Variants in NSMCE2 observed in about 807,000 individuals in gnomAD.
NSMCE2 encodes NSE2 SUMO ligase component of SMC5/6 complex.
Under a neutral mutation model 23.8 loss-of-function variants are expected in NSMCE2, and 24 were observed. The observed-to-expected ratio is 1.01, with a 90% CI of 0.73 to 1.42. The LOEUF is 1.42. Among genes scored for constraint, NSMCE2 ranks in the 40% most tolerant of loss-of-function variants. The pLI, the probability that NSMCE2 is intolerant of heterozygous loss-of-function variation, is 0.00. For synonymous variants in NSMCE2, 92 were observed against 94.1 expected (o/e 0.98, Z 0.13); for missense variants, 284 against 296.5 (o/e 0.96, Z 0.31).
At chr8:125,254,304 A>G (rs1255223628) in intron 5 of NSMCE2, among the ~76,000 whole-genome samples, 1 of 152,236 alleles carries the variant, frequency 6.6e-6, no homozygotes. Context: ...GATTTGAGTC[A>G]TTAGTGTGCC....
At chr8:125,220,042 A>G (rs16900447) in intron 5 of NSMCE2, among the ~76,000 whole-genome samples, 3,282 of 152,224 alleles carry the variant, frequency 0.022, 128 homozygotes, top group African/African-American at 0.076. Context: ...TGGTTTTGAA[A>G]GGCAGACCAA....
At chr8:125,105,153 A>G (rs1818394858) in intron 3 of NSMCE2, among the ~76,000 whole-genome samples, 2 of 152,188 alleles carry the variant, frequency 1.3e-5, no homozygotes, top group South Asian at 2.1e-4. Flanking sequence ...CTATTGTTTC[A>G]TATATTTTGT....
At chr8:125,300,140 G>A (rs1828503274) in intron 5 of NSMCE2, among the ~76,000 whole-genome samples, 2 of 150,224 alleles carry the variant, frequency 1.3e-5, no homozygotes, top group Non-Finnish European at 1.5e-5. Flanking sequence ...TTCTTGTACT[G>A]GAAGTGGGTC....
At chr8:125,129,580 CTG>C (rs1819660555) in intron 3 of NSMCE2, among the ~76,000 whole-genome samples, 1 of 116,786 alleles carries the variant, frequency 8.6e-6, no homozygotes, top group East Asian at 2.4e-4. Context: ...GTGTGTGTGT[CTG>C]TGTGTTTCAT....
At chr8:125,294,968 T>G (rs1828265843) in intron 5 of NSMCE2, among the ~76,000 whole-genome samples, 1 of 152,210 alleles carries the variant, frequency 6.6e-6, no homozygotes, top group Admixed American at 6.5e-5. Context: ...CACAGCACAG[T>G]GAACTTTTTC....
chr8:125,112,318 A>G (rs555008601), intron 3 of NSMCE2, among the ~76,000 whole-genome samples: 4 of 152,370 alleles, frequency 2.6e-5, no homozygotes, highest in Non-Finnish European at 4.4e-5. Context: ...CAGTACAGTC[A>G]TTATGGAAAA....
intron 5 of NSMCE2, among the ~76,000 whole-genome samples, chr8:125,262,031 A>G (rs560568278): frequency 1.3e-5 from 2 of 152,096 alleles, no homozygotes; most frequent in Non-Finnish European, 2.9e-5. Context: ...CAGGAGGTGG[A>G]GGTTGCAGTG....
intron 3 of NSMCE2, among the ~76,000 whole-genome samples, chr8:125,131,769 A>G (rs937787030): frequency 6.6e-6 from 1 of 152,326 alleles, no homozygotes; most frequent in Non-Finnish European, 1.5e-5. Flanking sequence ...AGAAATCTGC[A>G]TTTTAAACAA....
intron 7 of NSMCE2, among the ~76,000 whole-genome samples, chr8:125,360,110 T>A (rs1229410430): frequency 6.6e-6 from 1 of 152,118 alleles, no homozygotes; most frequent in Non-Finnish European, 1.5e-5. Flanking sequence ...CTCATCTGGG[T>A]GTCTAATACT....
chr8:125,330,079 A>G (rs1033050585), intron 5 of NSMCE2, among the ~76,000 whole-genome samples: 3 of 152,148 alleles, frequency 2.0e-5, no homozygotes, highest in Non-Finnish European at 4.4e-5. Flanking sequence ...ATGGGAGGGA[A>G]CAGGTAGCTT....
intron 1 of NSMCE2, among the ~76,000 whole-genome samples, chr8:125,093,609 G>C (rs946540067): frequency 6.6e-6 from 1 of 152,102 alleles, no homozygotes; most frequent in African/African-American, 2.4e-5. Flanking sequence ...TGTAATCCCA[G>C]CTACTCGGGA....
intron 4 of NSMCE2, among the ~76,000 whole-genome samples, chr8:125,167,072 G>A (rs1821924961): frequency 6.6e-6 from 1 of 152,126 alleles, no homozygotes; most frequent in Admixed American, 6.5e-5. Flanking sequence ...CCCTCCACAT[G>A]TACTCTCACA....
intron 3 of NSMCE2, among the ~76,000 whole-genome samples, chr8:125,134,975 T>C (rs1201594109): frequency 1.3e-5 from 2 of 152,110 alleles, no homozygotes; most frequent in African/African-American, 4.8e-5. Context: ...TGGCTCAATA[T>C]TGGCTTATTG....
intron 5 of NSMCE2, among the ~76,000 whole-genome samples, chr8:125,278,306 A>T (rs1380738652): frequency 2.6e-5 from 4 of 152,236 alleles, no homozygotes; most frequent in African/African-American, 9.6e-5. Context: ...GAATGGCACC[A>T]GTAAGGCCCT....
intron 5 of NSMCE2, among the ~76,000 whole-genome samples, chr8:125,294,693 G>A (rs1445355020): frequency 6.6e-6 from 1 of 152,126 alleles, no homozygotes; most frequent in African/African-American, 2.4e-5. Context: ...TCATTTATGG[G>A]GTTAGAATTA....
chr8:125,254,188 C>G (rs75463161), intron 5 of NSMCE2, among the ~76,000 whole-genome samples: 38 of 152,290 alleles, frequency 2.5e-4, no homozygotes, highest in African/African-American at 9.1e-4. Context: ...TCTAATATCT[C>G]TATTGAAACA....
rs546598149 is a variant in NSMCE2 at position 125,347,170 on chromosome 8, C to G, written c.419-10049C>G. On this transcript the variant is annotated intron_variant, in intron 5 of 7. Transcript: ENST00000287437. Reference sequence around the variant, plus strand: ...ATGAAGTAAGTACCATTAGTATCTCCATTTCATAGCTGAGAAGATTGAGAC... The same window carrying G: ...ATGAAGTAAGTACCATTAGTATCTCGATTTCATAGCTGAGAAGATTGAGAC... 3.9e-5 allele frequency among the ~76,000 whole-genome samples: 6 copies of G among 152,312 alleles called. No homozygotes were observed. The South Asian group carries it at 1.2e-3, about 32-fold the overall frequency.
chr8:125,104,024 C>T (rs1264434229), intron 3 of NSMCE2, among the ~76,000 whole-genome samples: 11 of 134,026 alleles, frequency 8.2e-5, no homozygotes, highest in African/African-American at 2.2e-4. Context: ...GAATTTTGCT[C>T]TTGTTGCCCA....
chr8:125,215,787 C>T (rs558052842), intron 5 of NSMCE2, among the ~76,000 whole-genome samples: 13 of 152,134 alleles, frequency 8.5e-5, no homozygotes, highest in Non-Finnish European at 1.0e-4. Context: ...TTTATTAAAT[C>T]GGGTTCTATC....
Sources: gnomAD v4.1 joint callset for allele counts (sites outside exome capture counted in the v4.1 genomes callset) on GRCh38, gnomAD v4.1.1 for gene constraint, MANE v1.5 for transcripts, NCBI Gene and HGNC (gene_info 2026-07-23, HGNC 2026-07-21) for gene names.